The following TSPAN7 variants were observed in gnomAD, a reference collection of about 807,000 sequenced individuals.
The protein encoded by TSPAN7 is tetraspanin 7, also known as tetraspanin-7.
Under a neutral mutation model 17.6 loss-of-function variants are expected in TSPAN7, and 1 was observed. The observed-to-expected ratio is 0.06, with a 90% CI of 0.02 to 0.27. The LOEUF (loss-of-function observed/expected upper bound fraction) is 0.27. Ranked by LOEUF, TSPAN7 falls within the 10% of genes least tolerant of loss-of-function variation. The pLI is 1.00. For missense variants in TSPAN7, 112 were observed against 201.7 expected, an observed-to-expected ratio of 0.56 and a Z score of 2.69; for synonymous variants, 78 against 79.0, an observed-to-expected ratio of 0.99 and a Z score of 0.07.
intron 1 of TSPAN7, among the ~76,000 whole-genome samples, chrX:38,606,840 T>C (rs1348892352): frequency 8.9e-6 from 1 of 112,177 alleles, no homozygotes; most frequent in Non-Finnish European, 1.9e-5. Context: ...ACTTATAACA[T>C]TGTTTAATGA....
intron 1 of TSPAN7, chrX:38,563,261 G>T (rs970303163): frequency 1.6e-5 from 8 of 493,903 alleles, no homozygotes; most frequent in Non-Finnish European, 2.3e-5. Flanking sequence ...GACACAGGTT[G>T]AAATGTCTCA....
In TSPAN7 at chrX:38,648,475, G is replaced by T. The variant is rs192922273; in HGVS notation, c.82-17646G>T. Among the ~76,000 whole-genome samples, 3 of 111,999 alleles carry T rather than the reference G, an allele frequency of 2.7e-5. No individual in the cohort carries two copies. The Admixed American group carries it at 2.8e-4, about 11-fold the overall frequency. On this transcript the variant is annotated intron_variant, in intron 1 of 7. Coordinates refer to ENST00000378482, the MANE Select transcript of TSPAN7 (RefSeq NM_004615.4). ...CATTTTATTTATTACTTATAGTTGGGATCTTGCTCTGTTGCCCAGGCTGGA... is the reference window on the plus strand; with the variant it reads ...CATTTTATTTATTACTTATAGTTGGTATCTTGCTCTGTTGCCCAGGCTGGA...
At chrX:38,649,056 A>G (rs753387791) in intron 1 of TSPAN7, among the ~76,000 whole-genome samples, 16 of 111,425 alleles carry the variant, frequency 1.4e-4, no homozygotes, top group Non-Finnish European at 2.4e-4. Flanking sequence ...TATTTTTATT[A>G]TACCCTCTAG....
intron 5 of TSPAN7, 151 bp downstream of exon 5, chrX:38,676,011 C>G (rs142844437): frequency 0.013 from 8,878 of 666,341 alleles, 56 homozygotes; most frequent in Middle Eastern, 0.043. Context: ...GGGAGAGGCA[C>G]TTGAGGCTGC....
chrX:38,666,307 C>T lies in TSPAN7; in HGVS notation c.268C>T (p.Leu90=). The change falls in exon 2 of 8, where the codon CTG becomes TTG. Residue 90 remains leucine, a splice_region_variant and synonymous_variant. Transcript: ENST00000378482. ...TCGTGGTAGCCCATGGATGCTGAAA[C>T]TGGTGAGTATGTCACAACATAATAC... The part of the protein sequence containing the change: ...TCRGSPWMLK[L]YAMFLSLVFL... The T allele has an allele frequency of 8.3e-7, 1 of 1,209,758 alleles. No individual in the cohort carries two copies. Among genetic ancestry groups the T allele is most frequent in the South Asian group, 1.8e-5 (1 of 56,964 alleles).
At chrX:38,651,218 C>A (rs1324435985) in intron 1 of TSPAN7, among the ~76,000 whole-genome samples, 1 of 111,120 alleles carries the variant, frequency 9.0e-6, no homozygotes. Context: ...GTAATCCCAG[C>A]ACTTTGGGAG....
intron 1 of TSPAN7, among the ~76,000 whole-genome samples, chrX:38,645,360 G>A (rs139563563): frequency 0.036 from 4,048 of 111,898 alleles, 192 homozygotes; most frequent in African/African-American, 0.13. Context: ...CAAATTTTAT[G>A]CCTCTTCCAA....
At chrX:38,608,764 T>C (rs969077053) in intron 1 of TSPAN7, among the ~76,000 whole-genome samples, 38 of 112,002 alleles carry the variant, frequency 3.4e-4, no homozygotes, top group African/African-American at 1.2e-3. Context: ...AACATTTTGC[T>C]GTGCATCATT....
chrX:38,635,705 C>A (rs1362148700), intron 1 of TSPAN7, among the ~76,000 whole-genome samples: 4 of 112,137 alleles, frequency 3.6e-5, no homozygotes, highest in Non-Finnish European at 1.9e-5. Flanking sequence ...CTTAGTATAA[C>A]CTTGTGAAAA....
intron 1 of TSPAN7, among the ~76,000 whole-genome samples, chrX:38,628,152 TCTTTTTATAC>T (rs1447050423): frequency 8.9e-6 from 1 of 112,566 alleles, no homozygotes; most frequent in East Asian, 2.8e-4. Flanking sequence ...TGCCAAGTAC[TCTTTTTATAC>T]CCCCCTCCAC....
chrX:38,651,466 C>G (rs192032581), intron 1 of TSPAN7, among the ~76,000 whole-genome samples: 11 of 111,540 alleles, frequency 9.9e-5, no homozygotes, highest in East Asian at 5.7e-4. Flanking sequence ...CTCCATCCCC[C>G]CAAAAAGAAG....
At chrX:38,568,028 C>T (rs1467410301) in intron 1 of TSPAN7, among the ~76,000 whole-genome samples, 1 of 111,764 alleles carries the variant, frequency 8.9e-6, no homozygotes, top group East Asian at 2.8e-4. Context: ...TTTTTAGTTG[C>T]GTGCTCACTC....
chrX:38,670,432 A>G (rs2069813430), intron 2 of TSPAN7, among the ~76,000 whole-genome samples: 1 of 112,330 alleles, frequency 8.9e-6, no homozygotes, highest in African/African-American at 3.2e-5. Context: ...CTTGAGAAGT[A>G]TCAGCAGCAT....
At chrX:38,625,650 G>C (rs779801128) in intron 1 of TSPAN7, among the ~76,000 whole-genome samples, 1 of 111,920 alleles carries the variant, frequency 8.9e-6, no homozygotes, top group Non-Finnish European at 1.9e-5. Flanking sequence ...GTGTAGTAAT[G>C]ACCCAATGGA....
At chrX:38,633,574 G>A (rs1194245877) in intron 1 of TSPAN7, among the ~76,000 whole-genome samples, 1 of 112,487 alleles carries the variant, frequency 8.9e-6, no homozygotes, top group Non-Finnish European at 1.9e-5. Flanking sequence ...ACTTAACTAT[G>A]AGCATTTTCT....
intron 1 of TSPAN7, among the ~76,000 whole-genome samples, chrX:38,599,203 T>C (rs2069332902): frequency 9.0e-6 from 1 of 110,962 alleles, no homozygotes; most frequent in African/African-American, 3.3e-5. Flanking sequence ...GATCACTACA[T>C]AGGGAGATGT....
At chrX:38,613,985 C>CT (rs369995281) in intron 1 of TSPAN7, among the ~76,000 whole-genome samples, 113 of 96,329 alleles carry the variant, frequency 1.2e-3, no homozygotes, top group Middle Eastern at 0.011. Flanking sequence ...TTTTTTTTTT[C>CT]TTTTTTTTTT....
intron 1 of TSPAN7, among the ~76,000 whole-genome samples, chrX:38,581,669 A>G (rs2069227721): frequency 8.9e-6 from 1 of 112,268 alleles, no homozygotes; most frequent in South Asian, 3.7e-4. Flanking sequence ...GAAATCTTGA[A>G]GACTTTCATG....
At chrX:38,617,107 A>G (rs1602100758) in intron 1 of TSPAN7, among the ~76,000 whole-genome samples, 1 of 111,733 alleles carries the variant, frequency 8.9e-6, no homozygotes, top group South Asian at 3.8e-4. Context: ...GTTCCAAGAA[A>G]ACTTTATCTA....
Sources: gnomAD v4.1 joint callset for allele counts (sites outside exome capture counted in the v4.1 genomes callset) on GRCh38, gnomAD v4.1.1 for gene constraint, MANE v1.5 for transcripts, NCBI Gene and HGNC (gene_info 2026-07-23, HGNC 2026-07-21) for gene names.